The following CEP128 variants were observed in gnomAD, a reference collection of about 807,000 sequenced individuals.
CEP128 encodes the protein centrosomal protein 128kDa.
Under a neutral mutation model 156.7 loss-of-function variants are expected in CEP128, and 132 were observed. The observed-to-expected ratio is 0.84, with a 90% confidence interval of 0.73 to 0.97. The LOEUF is 0.97. CEP128 is among the 50% of genes least tolerant of loss of function. The pLI, the probability that CEP128 is intolerant of heterozygous loss-of-function variation, is 0.00. For synonymous variants in CEP128, 469 were observed against 448.9 expected (o/e 1.04, Z -0.57); for missense variants, 1,252 against 1,281.9 (o/e 0.98, Z 0.36).
chr14:80,930,593 G>A (rs1355621729), intron 2 of CEP128, among the ~76,000 whole-genome samples: 1 of 152,198 alleles, frequency 6.6e-6, no homozygotes, highest in Admixed American at 6.5e-5. Flanking sequence ...CATTGCAACA[G>A]GTGATTCGCC....
At chr14:80,528,122 A>AAAAAC (rs1360132177) in intron 22 of CEP128, among the ~76,000 whole-genome samples, 1 of 152,182 alleles carries the variant, frequency 6.6e-6, no homozygotes, top group African/African-American at 2.4e-5. Context: ...TGCTTAGTAC[A>AAAAAC]AAAACAAAAC....
chr14:80,942,828 A>C (rs1886222948), upstream of CEP128, among the ~76,000 whole-genome samples: 1 of 148,020 alleles, frequency 6.8e-6, no homozygotes. Context: ...ATCCCTCCTT[A>C]CCCCTCCTCC....
At chr14:80,867,714 G>C (rs148294143) in intron 8 of CEP128, among the ~76,000 whole-genome samples, 37 of 152,088 alleles carry the variant, frequency 2.4e-4, no homozygotes, top group African/African-American at 7.5e-4. Context: ...TGGAATTTAT[G>C]AGATACTATC....
chr14:80,789,602 T>C (rs563398430), intron 14 of CEP128, among the ~76,000 whole-genome samples: 4 of 151,952 alleles, frequency 2.6e-5, no homozygotes, highest in African/African-American at 9.6e-5. Flanking sequence ...AAATGAAAAA[T>C]AGCCAGCAGT....
chr14:80,602,990 C>T (rs962740053), intron 19 of CEP128, among the ~76,000 whole-genome samples: 4 of 152,092 alleles, frequency 2.6e-5, no homozygotes, highest in African/African-American at 7.2e-5. Flanking sequence ...AACAAAAACA[C>T]GACATACTAA....
chr14:80,637,987 T>C (rs1317370575), intron 19 of CEP128, among the ~76,000 whole-genome samples: 1 of 152,198 alleles, frequency 6.6e-6, no homozygotes, highest in African/African-American at 2.4e-5. Flanking sequence ...ACTTTGATTT[T>C]GGCTCAGCAA....
chr14:80,817,310 C>CA (rs1196499145), intron 13 of CEP128, among the ~76,000 whole-genome samples: 1 of 151,898 alleles, frequency 6.6e-6, no homozygotes, highest in Non-Finnish European at 1.5e-5. Context: ...TGTCTAATCT[C>CA]AAAAAAAGTT....
chr14:80,938,482 C>T (rs2139622497), intron 2 of CEP128, among the ~76,000 whole-genome samples: 1 of 151,958 alleles, frequency 6.6e-6, no homozygotes, highest in African/African-American at 2.4e-5. Flanking sequence ...CTCCCGACCT[C>T]GTGATCTGCC....
intron 19 of CEP128, among the ~76,000 whole-genome samples, chr14:80,722,883 A>G (rs190013504): frequency 2.6e-4 from 38 of 143,716 alleles, no homozygotes; most frequent in Middle Eastern, 3.8e-3. Context: ...CTGGAGTGCA[A>G]TGGCGCGATC....
chr14:80,571,712 T>C (rs1444894670), intron 20 of CEP128, among the ~76,000 whole-genome samples: 3 of 152,192 alleles, frequency 2.0e-5, no homozygotes, highest in Non-Finnish European at 2.9e-5. Context: ...AGAATTATTT[T>C]GAACTTGGTT....
At chr14:80,797,448 G>A (rs1287960856) in intron 13 of CEP128, among the ~76,000 whole-genome samples, 2 of 152,168 alleles carry the variant, frequency 1.3e-5, no homozygotes, top group African/African-American at 2.4e-5. Flanking sequence ...TGTCCTGGAT[G>A]AACACCTCTT....
At chr14:80,611,117 T>C (rs1892978226) in intron 19 of CEP128, among the ~76,000 whole-genome samples, 1 of 152,096 alleles carries the variant, frequency 6.6e-6, no homozygotes, top group African/African-American at 2.4e-5. Flanking sequence ...CATTTTAGTT[T>C]TAAATCTTGG....
Position 80,721,732 on chromosome 14 carries a change from G to A in CEP128, c.2806+21343C>T, listed in dbSNP as rs144972320. ...ATCAACTCTGCATAAATCTGTTATC[G>A]AACAAGTCAGGATATAAATAAATAA... On this transcript the variant is annotated intron_variant, in intron 19 of 24. Transcript: ENST00000555265. Among the ~76,000 whole-genome samples the A allele has an allele frequency of 2.6e-5, 4 of 152,048 alleles. No individual in the cohort carries two copies. The East Asian group carries it at 7.7e-4, about 29-fold the overall frequency.
At chr14:80,849,605 T>C (rs755163209) in intron 9 of CEP128, among the ~76,000 whole-genome samples, 2 of 152,164 alleles carry the variant, frequency 1.3e-5, no homozygotes, top group African/African-American at 2.4e-5. Flanking sequence ...TTTTGAGCAA[T>C]GAATAATTAA....
intron 19 of CEP128, among the ~76,000 whole-genome samples, chr14:80,610,447 A>G (rs770449426): frequency 6.6e-6 from 1 of 152,192 alleles, no homozygotes; most frequent in East Asian, 1.9e-4. Flanking sequence ...ACTAAAAACT[A>G]TAATTCATGG....
intron 18 of CEP128, among the ~76,000 whole-genome samples, chr14:80,755,076 G>A (rs566917842): frequency 5.3e-5 from 8 of 152,232 alleles, no homozygotes; most frequent in Non-Finnish European, 1.2e-4. Context: ...CCCTTAATCT[G>A]GGTGGGCACA....
intron 8 of CEP128, among the ~76,000 whole-genome samples, chr14:80,891,405 A>G (rs1889092374): frequency 6.6e-6 from 1 of 152,084 alleles, no homozygotes; most frequent in African/African-American, 2.4e-5. Flanking sequence ...ATTTGCAAAA[A>G]CATGAATAGA....
In CEP128 at chr14:80,948,885, G is replaced by C. The variant is rs980078549; in HGVS notation, c.-172+9293C>G. ...AATTTGTTGAGCAATTTGTTGAGCA[G>C]ACTATTAGAACATGGTTAGCCCTAA... On this transcript the variant is annotated intron_variant, in intron 2 of 7. Transcript: ENST00000555529. Among the ~76,000 whole-genome samples, 25 of 152,296 alleles carry C rather than the reference G, an allele frequency of 1.6e-4. No homozygotes were observed. The East Asian group carries it at 4.6e-3, about 28-fold the overall frequency.
intron 19 of CEP128, among the ~76,000 whole-genome samples, chr14:80,724,004 C>T (rs1230968798): frequency 6.6e-6 from 1 of 152,094 alleles, no homozygotes; most frequent in East Asian, 1.9e-4. Flanking sequence ...AGAAACAGAA[C>T]AGTTAAAAGA....
Sources: gnomAD v4.1 joint callset for allele counts (sites outside exome capture counted in the v4.1 genomes callset) on GRCh38, gnomAD v4.1.1 for gene constraint, MANE v1.5 for transcripts, NCBI Gene and HGNC (gene_info 2026-07-23, HGNC 2026-07-21) for gene names.